Variants in SNX29 observed in about 807,000 individuals in gnomAD.
SNX29 encodes sorting nexin 29, also known as sorting nexin-29.
In SNX29, 78 loss-of-function variants were observed where a neutral mutation model predicts 102.1. The observed-to-expected ratio is 0.76, with a 90% confidence interval of 0.64 to 0.92. The LOEUF is 0.92. Ranked by LOEUF, SNX29 falls within the 40% of genes least tolerant of loss-of-function variation. The pLI is 0.00. For synonymous variants in SNX29, 580 were observed against 414.5 expected (o/e 1.40, Z -4.85); for missense variants, 1,280 against 1,061.7 (o/e 1.21, Z -2.86).
intron 18 of SNX29, among the ~76,000 whole-genome samples, chr16:12,435,868 G>A: frequency 6.6e-6 from 1 of 152,164 alleles, no homozygotes; most frequent in South Asian, 2.1e-4. Context: ...CAGCTGGGCA[G>A]GGCATCCTGA....
chr16:12,116,376 T>C (rs577641637), intron 11 of SNX29, among the ~76,000 whole-genome samples: 2 of 152,138 alleles, frequency 1.3e-5, no homozygotes, highest in Non-Finnish European at 2.9e-5. Context: ...GATTCAGCTA[T>C]AAAAGGAATG....
intron 15 of SNX29, among the ~76,000 whole-genome samples, chr16:12,299,707 C>T (rs986052152): frequency 6.6e-6 from 1 of 150,896 alleles, no homozygotes. Context: ...CCCTCCCTTT[C>T]CCCCACCCCA....
At chr16:12,155,761 G>A (rs1032615765) in intron 13 of SNX29, among the ~76,000 whole-genome samples, 9 of 152,170 alleles carry the variant, frequency 5.9e-5, no homozygotes, top group African/African-American at 1.9e-4. Flanking sequence ...CTCCTGGAGA[G>A]TCTACAACCA....
At chr16:12,338,316 CTGTTCAGAACCCTGGGGA>C (rs368829493) in intron 15 of SNX29, among the ~76,000 whole-genome samples, 34 of 152,294 alleles carry the variant, frequency 2.2e-4, no homozygotes, top group Middle Eastern at 3.4e-3. Context: ...GAAGTACACT[CTGTTCAGAACCCTGGGGA>C]TGTTCAGAAC....
At position 12,573,831 on chromosome 16, in the gene SNX29, T is replaced by C. The variant is rs1324428484; in HGVS notation, c.*5202T>C. ...GGGTAGAGCTAATTGGAATTTTTAT[T>C]ATCCAGGACTCATCCTAAGAAGAAT... On this transcript the variant is annotated 3_prime_UTR_variant, in exon 21 of 21. Coordinates refer to ENST00000566228, the MANE Select transcript of SNX29 (RefSeq NM_032167.5). The C allele has an allele frequency of 2.8e-5, 6 of 214,732 alleles. No homozygotes were observed. The highest frequency in any genetic ancestry group is 4.7e-5 in the Non-Finnish European group (5 of 106,632). 13.3% of individuals were successfully genotyped at this position (214,732 alleles called of 1,614,324 possible).
Position 12,573,931 on chromosome 16 carries a change from C to T in SNX29, c.*5302C>T, listed in dbSNP as rs991828743. ...ACCTGACACCGACTTCTTAGAGAAG[C>T]GAGTCTTTTTTGAATGGAGGAGCGA... is the stretch of plus-strand genomic sequence containing the variant. On this transcript the variant is annotated 3_prime_UTR_variant, in exon 21 of 21. Transcript: ENST00000566228. 1.5e-5 allele frequency: 3 copies of T among 201,856 alleles called. No homozygotes were observed. The highest frequency in any genetic ancestry group is 6.0e-5 in the Admixed American group (1 of 16,642). The allele number at this position is 201,856 out of a possible 1,614,324, so 12.5% of individuals were successfully genotyped here. A position where few individuals can be genotyped will look rare whatever the true frequency, so the allele number is the denominator to read the frequency against.
In SNX29 at chr16:12,356,293, C is replaced by T; in HGVS notation, c.1899+14C>T. ...CTCCGGGGACCGGTGAGTGTTTCCCCAACCCTGTGTGTCTGTCAAGCCTCT... is the reference window on the plus strand; with the variant it reads ...CTCCGGGGACCGGTGAGTGTTTCCCTAACCCTGTGTGTCTGTCAAGCCTCT... On this transcript the variant is annotated intron_variant, in intron 16 of 20. Transcript: ENST00000566228. 3 of 1,581,300 alleles carry T rather than the reference C, an allele frequency of 1.9e-6. No individual in the cohort carries two copies. The highest frequency in any genetic ancestry group is 2.3e-5 in the South Asian group (2 of 86,366).
chr16:12,282,141 C>T (rs1377412454), intron 15 of SNX29, among the ~76,000 whole-genome samples: 1 of 148,146 alleles, frequency 6.8e-6, no homozygotes, highest in East Asian at 2.0e-4. Flanking sequence ...CACAGTTGAG[C>T]ACCAGAGTGC....
chr16:12,486,128 G>T (rs2088217717), intron 19 of SNX29, among the ~76,000 whole-genome samples: 1 of 152,196 alleles, frequency 6.6e-6, no homozygotes, highest in Non-Finnish European at 1.5e-5. Flanking sequence ...CAGCTTAGAG[G>T]CTGCTTGCAT....
At chr16:12,341,850 C>T (rs562573456) in intron 15 of SNX29, among the ~76,000 whole-genome samples, 1 of 152,344 alleles carries the variant, frequency 6.6e-6, no homozygotes, top group East Asian at 1.9e-4. Context: ...ACCAGTATCT[C>T]TGCCACAAGG....
chr16:12,457,163 C>T (rs945044599), intron 18 of SNX29, among the ~76,000 whole-genome samples: 3 of 152,212 alleles, frequency 2.0e-5, no homozygotes, highest in Non-Finnish European at 4.4e-5. Context: ...AGTTCAACCC[C>T]TTTCCAGAAT....
At chr16:12,332,033 C>A (rs541547365) in intron 15 of SNX29, among the ~76,000 whole-genome samples, 1 of 151,988 alleles carries the variant, frequency 6.6e-6, no homozygotes, top group Admixed American at 6.6e-5. Context: ...GCACTGGAGC[C>A]TGGGTGACAG....
At position 12,517,577 on chromosome 16, in the gene SNX29, C is replaced by G. The variant is rs541600011; in HGVS notation, c.2179-7125C>G. Among the ~76,000 whole-genome samples the G allele has an allele frequency of 9.2e-5, 14 of 152,290 alleles. No homozygotes were observed. In the South Asian group the frequency reaches 2.5e-3, roughly 27 times the overall value. On this transcript the variant is annotated intron_variant, in intron 19 of 20. Coordinates refer to ENST00000566228, the MANE Select transcript of SNX29 (RefSeq NM_032167.5). ...CTGGCCTTCCCTAATTTTATCCCAA[C>G]AGGTATTTGTTCTCTCAACAAATGT...
intron 19 of SNX29, among the ~76,000 whole-genome samples, chr16:12,480,668 A>C (rs565531637): frequency 6.6e-6 from 1 of 151,810 alleles, no homozygotes; most frequent in East Asian, 1.9e-4. Flanking sequence ...CTCCCTTCCC[A>C]CCTCCTGCCT....
At chr16:12,016,997 G>A (rs1318734402) in intron 3 of SNX29, among the ~76,000 whole-genome samples, 3 of 152,094 alleles carry the variant, frequency 2.0e-5, no homozygotes, top group African/African-American at 7.2e-5. Flanking sequence ...AACTGACCGT[G>A]GTAGCGCCTG....
intron 15 of SNX29, among the ~76,000 whole-genome samples, chr16:12,288,258 T>G (rs1486443624): frequency 2.0e-5 from 3 of 152,168 alleles, no homozygotes; most frequent in African/African-American, 7.2e-5. Context: ...GTGGGTGCCA[T>G]GTCAGTTTAC....
chr16:12,077,119 A>G (rs2051612981), intron 10 of SNX29, among the ~76,000 whole-genome samples: 1 of 152,178 alleles, frequency 6.6e-6, no homozygotes, highest in Non-Finnish European at 1.5e-5. Flanking sequence ...CAAATAAAAC[A>G]ACAACAAAAA....
intron 14 of SNX29, among the ~76,000 whole-genome samples, chr16:12,247,162 C>T (rs895357584): frequency 1.3e-5 from 2 of 152,218 alleles, no homozygotes; most frequent in South Asian, 4.1e-4. Flanking sequence ...GGAGAGAATT[C>T]AGGAAGGCAG....
At chr16:12,269,213 T>A (rs2079020531) in intron 14 of SNX29, among the ~76,000 whole-genome samples, 4 of 152,212 alleles carry the variant, frequency 2.6e-5, no homozygotes. Flanking sequence ...CAGGAGAAAG[T>A]TGCTGACTAT....
Sources: allele counts gnomAD v4.1 joint callset (sites outside exome capture counted in the v4.1 genomes callset), GRCh38; gene constraint gnomAD v4.1.1; transcripts MANE v1.5; gene names NCBI Gene and HGNC (gene_info 2026-07-23, HGNC 2026-07-21).